ASPRV1: variants seen among roughly 807,000 people sequenced by gnomAD.
The protein encoded by ASPRV1 is retroviral-like aspartic protease 1.
ASPRV1 carries 7 observed loss-of-function variants against 11.0 expected under a neutral mutation model. The ratio of observed to expected loss-of-function variants is 0.64; its 90% CI spans 0.36 to 1.20. ASPRV1 has a LOEUF of 1.20. ASPRV1 is among the 50% of genes most tolerant of loss of function. ASPRV1 has a pLI of 0.02. For synonymous variants in ASPRV1, 136 were observed against 138.4 expected (o/e 0.98, Z 0.12); for missense variants, 299 against 320.0 (o/e 0.93, Z 0.50).
chr2:69,948,426 T>C, the ASPRV1 span, among the ~76,000 whole-genome samples: 1 of 152,230 alleles, frequency 6.6e-6, no homozygotes. Context: ...CAGTCGGGTA[T>C]GGATGGCACA....
At chr2:70,037,677 GAT>G in the ASPRV1 span, among the ~76,000 whole-genome samples, 1 of 152,002 alleles carries the variant, frequency 6.6e-6, no homozygotes, top group South Asian at 2.1e-4. Context: ...GTACATTAGA[GAT>G]ATGTTGAAAA....
the ASPRV1 span, chr2:70,048,819 T>C: frequency 6.6e-6 from 1 of 152,228 alleles, no homozygotes; most frequent in African/African-American, 2.4e-5. Context: ...TAGTTTCTGG[T>C]GGTTATCAGC....
chr2:69,988,458 G>T, the ASPRV1 span: 2 of 263,802 alleles, frequency 7.6e-6, no homozygotes, highest in Non-Finnish European at 7.6e-6. Flanking sequence ...GAGGTGTCTA[G>T]AGTAGTCAAG....
At chr2:69,953,325 G>A in the ASPRV1 span, among the ~76,000 whole-genome samples, 1 of 152,186 alleles carries the variant, frequency 6.6e-6, no homozygotes, top group Non-Finnish European at 1.5e-5. Flanking sequence ...GGGATAACTG[G>A]CACCCACACA....
At chr2:70,033,268 A>C in the ASPRV1 span, among the ~76,000 whole-genome samples, 1 of 135,310 alleles carries the variant, frequency 7.4e-6, no homozygotes, top group Non-Finnish European at 1.5e-5. Context: ...ATGCTTTATC[A>C]AACAGAAAAC....
chr2:70,086,775 G>A, the ASPRV1 span, among the ~76,000 whole-genome samples: 1 of 152,264 alleles, frequency 6.6e-6, no homozygotes, highest in East Asian at 1.9e-4. Context: ...AAAGCATTAT[G>A]TAAATGGACG....
the ASPRV1 span, among the ~76,000 whole-genome samples, chr2:70,008,600 G>A: frequency 6.6e-6 from 1 of 151,402 alleles, no homozygotes; most frequent in African/African-American, 2.4e-5. Flanking sequence ...ATGCAAATTT[G>A]TAAACTTTCT....
the ASPRV1 span, among the ~76,000 whole-genome samples, chr2:69,992,733 T>C: frequency 2.0e-5 from 3 of 152,328 alleles, no homozygotes; most frequent in East Asian, 3.9e-4. Flanking sequence ...AACTTTGATA[T>C]TGTTATTTTA....
the ASPRV1 span, among the ~76,000 whole-genome samples, chr2:69,954,766 C>T: frequency 1.3e-5 from 2 of 152,186 alleles, no homozygotes; most frequent in Non-Finnish European, 2.9e-5. Flanking sequence ...ATGTCCCACC[C>T]AGCACAGGAG....
At chr2:70,017,734 T>TA in the ASPRV1 span, among the ~76,000 whole-genome samples, 2 of 151,880 alleles carry the variant, frequency 1.3e-5, no homozygotes, top group East Asian at 1.9e-4. Flanking sequence ...AGTATTTTTT[T>TA]AAAAAAAAGA....
chr2:69,937,308 G>C, the ASPRV1 span: 6 of 1,614,220 alleles, frequency 3.7e-6, no homozygotes, highest in Non-Finnish European at 5.1e-6. Flanking sequence ...CACCTGAAGA[G>C]GCAGCTGGAG....
chr2:70,054,030 T>C, the ASPRV1 span: 1 of 152,282 alleles, frequency 6.6e-6, no homozygotes, highest in Non-Finnish European at 1.5e-5. Context: ...ATAGGAAGCA[T>C]GTTATAAAAA....
chr2:70,069,835 C>T, the ASPRV1 span, among the ~76,000 whole-genome samples: 3 of 152,066 alleles, frequency 2.0e-5, no homozygotes, highest in South Asian at 6.2e-4. Context: ...GTCACTTCAC[C>T]TTTCTGAGTT....
chr2:69,966,586 A>G (rs752171444), upstream of ASPRV1, among the ~76,000 whole-genome samples: 31 of 152,262 alleles, frequency 2.0e-4, no homozygotes, highest in Middle Eastern at 3.2e-3. Flanking sequence ...CCCTGCAATT[A>G]GTGAAATATT....
In ASPRV1 at chr2:69,960,594, A is replaced by ACCC. The variant is rs376718316; in HGVS notation, c.*62_*63insGGG. Reference sequence around the variant, plus strand: ...CCCAGTGACCCCCATGAGGATATGCAACCCCCCCCACAGCGGTGGGTCTTC... The same window carrying ACCC: ...CCCAGTGACCCCCATGAGGATATGCACCCACCCCCCCCACAGCGGTGGGTCTTC... On this transcript the variant is annotated 3_prime_UTR_variant, in exon 1 of 1. Coordinates refer to ENST00000320256, the MANE Select transcript of ASPRV1 (RefSeq NM_152792.4). The ACCC allele has an allele frequency of 1.8e-5, 27 of 1,470,562 alleles. No individual in the cohort carries two copies. In the African/African-American group the frequency reaches 2.7e-4, roughly 15 times the overall value. 91.1% of individuals were successfully genotyped at this position (1,470,562 alleles called of 1,614,324 possible).
chr2:70,032,945 C>A, the ASPRV1 span, among the ~76,000 whole-genome samples: 2 of 152,138 alleles, frequency 1.3e-5, no homozygotes, highest in Non-Finnish European at 2.9e-5. Context: ...ATACACAGAG[C>A]AGGATCTTGG....
At chr2:69,967,672 A>C in the ASPRV1 span, among the ~76,000 whole-genome samples, 1 of 152,216 alleles carries the variant, frequency 6.6e-6, no homozygotes. Flanking sequence ...GGGTAGTAGA[A>C]TCATGAATGA....
At chr2:69,990,220 A>G in the ASPRV1 span, among the ~76,000 whole-genome samples, 12 of 151,984 alleles carry the variant, frequency 7.9e-5, no homozygotes, top group African/African-American at 1.7e-4. Context: ...GTCTCACTCT[A>G]TTGTCCAGGT....
the ASPRV1 span, among the ~76,000 whole-genome samples, chr2:70,082,614 G>A: frequency 6.6e-6 from 1 of 152,220 alleles, no homozygotes; most frequent in Non-Finnish European, 1.5e-5. Flanking sequence ...AGAGGCTGAG[G>A]CAGGAGAATC....
Sources: allele counts gnomAD v4.1 joint callset (sites outside exome capture counted in the v4.1 genomes callset), GRCh38; gene constraint gnomAD v4.1.1; transcripts MANE v1.5; gene names NCBI Gene and HGNC (gene_info 2026-07-23, HGNC 2026-07-21).